Variants in ATP11B observed in about 807,000 individuals in gnomAD.
ATP11B encodes ATPase phospholipid transporting 11B (putative), also known as phospholipid-transporting ATPase IF.
A neutral mutation model predicts 157.8 loss-of-function variants in ATP11B; 81 were observed. The observed-to-expected ratio is 0.51, with a 90% CI of 0.43 to 0.62. The LOEUF is 0.62. Ranked by LOEUF, ATP11B falls within the 20% of genes least tolerant of loss-of-function variation. The pLI is 0.00. For missense variants in ATP11B, 1,165 were observed against 1,402.2 expected (o/e 0.83, Z 2.70); for synonymous variants, 451 against 469.4 (o/e 0.96, Z 0.51).
chr3:182,895,034 G>A (rs1469704945), intron 25 of ATP11B, among the ~76,000 whole-genome samples: 1 of 149,854 alleles, frequency 6.7e-6, no homozygotes, highest in Non-Finnish European at 1.5e-5. Flanking sequence ...GATTGCTTGA[G>A]CCCGGGAGGT....
intron 1 of ATP11B, among the ~76,000 whole-genome samples, chr3:182,800,759 A>T (rs1715947403): frequency 6.7e-6 from 1 of 150,016 alleles, no homozygotes; most frequent in Admixed American, 6.7e-5. Flanking sequence ...TTCTTATCCT[A>T]TACATGGTAT....
chr3:182,905,773 G>A (rs1226250698), intron 28 of ATP11B: 3 of 456,682 alleles, frequency 6.6e-6, no homozygotes, highest in South Asian at 1.5e-5. Flanking sequence ...TATGAGACTT[G>A]TTGCTTTTCT....
intron 7 of ATP11B, among the ~76,000 whole-genome samples, chr3:182,841,479 C>G (rs1719017131): frequency 6.6e-6 from 1 of 152,118 alleles, no homozygotes; most frequent in Admixed American, 6.5e-5. Context: ...TTGAATATCC[C>G]TAATCCAAAA....
intron 10 of ATP11B, among the ~76,000 whole-genome samples, chr3:182,855,955 A>G (rs1291983689): frequency 6.6e-6 from 1 of 152,070 alleles, no homozygotes; most frequent in Non-Finnish European, 1.5e-5. Context: ...TAGTATACCC[A>G]CTCTGGAAGA....
At chr3:182,910,333 T>A (rs1161014764) in intron 28 of ATP11B, among the ~76,000 whole-genome samples, 1 of 151,940 alleles carries the variant, frequency 6.6e-6, no homozygotes, top group African/African-American at 2.4e-5. Flanking sequence ...CCCGGCACTT[T>A]GAGAGGCTGA....
At chr3:182,805,454 CT>C (rs1030710942) in intron 1 of ATP11B, among the ~76,000 whole-genome samples, 67 of 142,810 alleles carry the variant, frequency 4.7e-4, no homozygotes, top group Admixed American at 4.9e-4. Flanking sequence ...GATATTTTTG[CT>C]TTTTTTTTTT....
chr3:182,853,189 G>A (rs921912474), intron 10 of ATP11B, among the ~76,000 whole-genome samples: 3 of 152,070 alleles, frequency 2.0e-5, no homozygotes, highest in African/African-American at 7.2e-5. Context: ...CAGAATACAA[G>A]GTAAATAAAG....
intron 1 of ATP11B, among the ~76,000 whole-genome samples, chr3:182,795,140 T>C (rs541495154): frequency 6.6e-6 from 1 of 152,304 alleles, no homozygotes; most frequent in Non-Finnish European, 1.5e-5. Context: ...ATATATGCTT[T>C]ATTAGGAAAC....
At chr3:182,866,507 AATC>A in intron 14 of ATP11B, 64 bp downstream of exon 14, 4 of 1,307,114 alleles carry the variant, frequency 3.1e-6, no homozygotes, top group Non-Finnish European at 4.0e-6. Flanking sequence ...ACAATATTAG[AATC>A]ATCATTTAAA....
intron 7 of ATP11B, among the ~76,000 whole-genome samples, chr3:182,837,405 A>G (rs1007449795): frequency 2.0e-5 from 3 of 152,236 alleles, no homozygotes; most frequent in Admixed American, 1.3e-4. Flanking sequence ...TCTTCACATT[A>G]CCTTCTATTT....
chr3:182,910,985 TATAAAC>T (rs1202666508), intron 28 of ATP11B, among the ~76,000 whole-genome samples: 3 of 152,238 alleles, frequency 2.0e-5, no homozygotes, highest in Non-Finnish European at 2.9e-5. Flanking sequence ...ATTTAACAGT[TATAAAC>T]ATACTTTGTC....
chr3:182,880,858 C>A, intron 20 of ATP11B, 21 bp from the exon 21 acceptor site: 1 of 1,489,292 alleles, frequency 6.7e-7, no homozygotes, highest in Non-Finnish European at 9.1e-7. Flanking sequence ...TCATAAATAA[C>A]CAATTCATTA....
intron 1 of ATP11B, among the ~76,000 whole-genome samples, chr3:182,806,482 A>G (rs1003151530): frequency 6.6e-6 from 1 of 152,066 alleles, no homozygotes; most frequent in African/African-American, 2.4e-5. Flanking sequence ...CTTGCTTGAC[A>G]TATGTTGAAG....
intron 29 of ATP11B, chr3:182,917,772 GT>G (rs1472780906): frequency 1.0e-6 from 1 of 984,776 alleles, no homozygotes; most frequent in Non-Finnish European, 1.2e-6. Flanking sequence ...TATAGAAACT[GT>G]TTTAATGCTA....
chr3:182,803,078 T>A (rs1225543616), intron 1 of ATP11B, among the ~76,000 whole-genome samples: 1 of 152,172 alleles, frequency 6.6e-6, no homozygotes, highest in Non-Finnish European at 1.5e-5. Context: ...CTATTATTGT[T>A]TATTTATTTA....
intron 25 of ATP11B, among the ~76,000 whole-genome samples, chr3:182,895,609 G>A (rs1723493599): frequency 6.6e-6 from 1 of 152,144 alleles, no homozygotes; most frequent in African/African-American, 2.4e-5. Context: ...TGGAAGGGAA[G>A]GTGAGAGTTA....
chr3:182,804,412 A>T (rs1057357859), intron 1 of ATP11B, among the ~76,000 whole-genome samples: 11 of 151,776 alleles, frequency 7.2e-5, no homozygotes, highest in Non-Finnish European at 4.4e-5. Flanking sequence ...CGCCCGGCTA[A>T]TTTTTTGTGT....
chr3:182,891,282 G>A (rs1723157711), intron 25 of ATP11B, among the ~76,000 whole-genome samples: 1 of 152,196 alleles, frequency 6.6e-6, no homozygotes, highest in South Asian at 2.1e-4. Context: ...TAAAGATCTT[G>A]TATTGCTAGT....
chr3:182,806,772 A>C (rs1167714309), intron 1 of ATP11B, among the ~76,000 whole-genome samples: 1 of 151,966 alleles, frequency 6.6e-6, no homozygotes, highest in African/African-American at 2.4e-5. Flanking sequence ...ATTCCTTTGG[A>C]GATCTTAAAC....
Sources: gnomAD v4.1 joint callset for allele counts (sites outside exome capture counted in the v4.1 genomes callset) on GRCh38, gnomAD v4.1.1 for gene constraint, MANE v1.5 for transcripts, NCBI Gene and HGNC (gene_info 2026-07-23, HGNC 2026-07-21) for gene names.